Variants in IFNAR1 observed in about 807,000 individuals in gnomAD.
IFNAR1 encodes the protein interferon alpha/beta receptor 1.
Under a neutral mutation model 62.1 loss-of-function variants are expected in IFNAR1, and 47 were observed. The observed-to-expected ratio is 0.76, with a 90% CI of 0.60 to 0.97. IFNAR1 has a LOEUF of 0.97. IFNAR1 is among the 50% of genes least tolerant of loss of function. The pLI, the probability that IFNAR1 is intolerant of heterozygous loss-of-function variation, is 0.00. For synonymous variants in IFNAR1, 219 were observed against 226.9 expected (o/e 0.97, Z 0.31); for missense variants, 638 against 654.5 (o/e 0.97, Z 0.27).
chr21:33,344,823 T>C (rs2083330223), intron 5 of IFNAR1, among the ~76,000 whole-genome samples: 1 of 145,232 alleles, frequency 6.9e-6, no homozygotes, highest in South Asian at 2.2e-4. Flanking sequence ...AGTCTCACTC[T>C]CTTGCCCAGA....
intron 3 of IFNAR1, among the ~76,000 whole-genome samples, chr21:33,342,932 C>T (rs2083308063): frequency 6.6e-6 from 1 of 150,478 alleles, no homozygotes; most frequent in Non-Finnish European, 1.5e-5. Context: ...TCCCAGTCCT[C>T]TTCTGGCTTC....
At chr21:33,330,353 A>AT (rs1248157872) in intron 1 of IFNAR1, among the ~76,000 whole-genome samples, 1 of 151,964 alleles carries the variant, frequency 6.6e-6, no homozygotes, top group Non-Finnish European at 1.5e-5. Flanking sequence ...CCTCTGCTTC[A>AT]TTTTTCTCTT....
rs1469247072 is a variant in IFNAR1 at position 33,356,827 on chromosome 21, A to T, written c.*1278A>T. 1 of 152,166 alleles carries T rather than the reference A, an allele frequency of 6.6e-6. No homozygotes were observed. Among genetic ancestry groups the T allele is most frequent in the African/African-American group, 2.4e-5 (1 of 41,432 alleles). 9.4% of individuals were successfully genotyped at this position (152,166 alleles called of 1,614,324 possible). On this transcript the variant is annotated 3_prime_UTR_variant, in exon 11 of 11. Coordinates refer to ENST00000270139, the MANE Select transcript of IFNAR1 (RefSeq NM_000629.3). Reference sequence around the variant, plus strand: ...CTGGCTTTGGTGCAAGAGGAAGAAGAATGTTCCACTGGAAGCCTGAGCACC... The same window carrying T: ...CTGGCTTTGGTGCAAGAGGAAGAAGTATGTTCCACTGGAAGCCTGAGCACC...
Position 33,343,617 on chromosome 21 carries a change from C to T in IFNAR1, c.614C>T (p.Ala205Val). Residue 205 changes from alanine (A) to valine (V), a missense_variant, in exon 5 of 11, where the codon GCA becomes GTA. Ala to Val is a moderately conservative substitution (Grantham distance 64). Transcript: ENST00000270139. Reference protein sequence around the residue: ...ETTYCLKVKAALLTSWKIGVY... With the variant: ...ETTYCLKVKAVLLTSWKIGVY... ...ACTTATTGTCTAAAAGTTAAAGCAGCACTACTTACGTCATGGAAAATTGGT... is the reference window on the plus strand; with the variant it reads ...ACTTATTGTCTAAAAGTTAAAGCAGTACTACTTACGTCATGGAAAATTGGT... 1 of 1,602,686 alleles carries T rather than the reference C, an allele frequency of 6.2e-7. No individual in the cohort carries two copies. Among genetic ancestry groups the T allele is most frequent in the Non-Finnish European group, 8.5e-7 (1 of 1,169,804 alleles).
Position 33,355,706 on chromosome 21 carries a change from G to A in IFNAR1, c.*157G>A. 1 of 449,180 alleles carries A rather than the reference G, an allele frequency of 2.2e-6. No homozygotes were observed. The highest frequency in any genetic ancestry group is 4.0e-6 in the Non-Finnish European group (1 of 252,710). 27.8% of individuals were successfully genotyped at this position (449,180 alleles called of 1,614,324 possible). ...TCATAGGTCCTAAAAATACGGGCAA[G>A]CTCTTAACTATTTAAAAATGAAATT... is the stretch of plus-strand genomic sequence containing the variant. On this transcript the variant is annotated 3_prime_UTR_variant, in exon 11 of 11. Coordinates refer to ENST00000270139, the MANE Select transcript of IFNAR1 (RefSeq NM_000629.3).
Position 33,349,688 on chromosome 21 carries a change from G to T in IFNAR1, c.1143+145G>T. On this transcript the variant is annotated intron_variant, in intron 8 of 10. Coordinates refer to ENST00000270139, the MANE Select transcript of IFNAR1 (RefSeq NM_000629.3). ...GCCTGTAATCCCAGCACTTCAGGAG[G>T]CCAAGGCGAGAGGATCACTTGAGCC... The T allele has an allele frequency of 8.2e-6, 5 of 612,984 alleles. No individual in the cohort carries two copies. In the South Asian group the frequency reaches 1.1e-4, roughly 13 times the overall value. 38.0% of individuals were successfully genotyped at this position (612,984 alleles called of 1,614,324 possible).
Position 33,341,121 on chromosome 21 carries a change from AAG to A in IFNAR1, c.325_326del (p.Glu109LysfsTer7). 6.2e-7 allele frequency: 1 copy of A among 1,613,572 alleles called. No homozygotes were observed. The highest frequency in any genetic ancestry group is 1.1e-5 in the South Asian group (1 of 91,060). Reference sequence around the variant, plus strand: ...ATTAAATTGCGTATAAGAGCAGAAAAAGAAAACACTTCTTCATGGTATGAGGT... The same window carrying A: ...ATTAAATTGCGTATAAGAGCAGAAAAAAAACACTTCTTCATGGTATGAGGT... On this transcript the variant is annotated frameshift_variant, in exon 3 of 11. Coordinates refer to ENST00000270139, the MANE Select transcript of IFNAR1 (RefSeq NM_000629.3). LOFTEE classifies it high-confidence loss of function.
intron 1 of IFNAR1, chr21:33,334,738 G>A: frequency 1.3e-6 from 1 of 797,868 alleles, no homozygotes; most frequent in South Asian, 1.3e-5. Flanking sequence ...TGCGCAGGGT[G>A]ATCCAGGTGT....
At chr21:33,333,686 C>T (rs923066971) in intron 1 of IFNAR1, among the ~76,000 whole-genome samples, 8 of 142,600 alleles carry the variant, frequency 5.6e-5, no homozygotes, top group East Asian at 2.0e-4. Context: ...TGCAGTGGCG[C>T]GATCTCGGCT....
chr21:33,341,067 C>G lies in IFNAR1; in HGVS notation c.269C>G (p.Ser90Cys). 1.2e-6 allele frequency: 2 copies of G among 1,612,586 alleles called. No homozygotes were observed. Among genetic ancestry groups the G allele is most frequent in the Non-Finnish European group, 8.5e-7 (1 of 1,178,832 alleles). The change falls in exon 3 of 11, where the codon TCT becomes TGT. Residue 90 changes from serine to cysteine, a missense_variant. Transcript: ENST00000270139. Reference sequence around the variant, plus strand: ...ATTACTAGTACCAAATGCAACTTTTCTTCACTCAAGCTGAATGTTTATGAA... The same window carrying G: ...ATTACTAGTACCAAATGCAACTTTTGTTCACTCAAGCTGAATGTTTATGAA... The part of the protein sequence containing the change: ...QNITSTKCNF[S>C]SLKLNVYEEI...
Position 33,355,682 on chromosome 21 carries a change from C to T in IFNAR1, c.*133C>T, listed in dbSNP as rs1242748412. 5.7e-6 allele frequency: 3 copies of T among 523,304 alleles called. No homozygotes were observed. The highest frequency in any genetic ancestry group is 1.0e-5 in the Non-Finnish European group (3 of 295,676). The allele number at this position is 523,304 out of a possible 1,614,324, so 32.4% of individuals were successfully genotyped here. A position where few individuals can be genotyped will look rare whatever the true frequency, so the allele number is the denominator to read the frequency against. Reference sequence around the variant, plus strand: ...AGGGAAAGAAAAAACATCTTCAGATCATAGGTCCTAAAAATACGGGCAAGC... The same window carrying T: ...AGGGAAAGAAAAAACATCTTCAGATTATAGGTCCTAAAAATACGGGCAAGC... On this transcript the variant is annotated 3_prime_UTR_variant, in exon 11 of 11. Coordinates refer to ENST00000270139, the MANE Select transcript of IFNAR1 (RefSeq NM_000629.3).
intron 2 of IFNAR1, 145 bp downstream of exon 2, chr21:33,335,792 TTGTTTC>T: frequency 1.4e-6 from 1 of 694,358 alleles, no homozygotes; most frequent in Non-Finnish European, 2.1e-6. Flanking sequence ...ATTTTTAACT[TTGTTTC>T]TGTAGAGACT....
At chr21:33,349,591 G>A (rs779819616) in intron 8 of IFNAR1, 48 bp downstream of exon 8, 84 of 1,347,916 alleles carry the variant, frequency 6.2e-5, no homozygotes, top group Non-Finnish European at 8.2e-5. Context: ...TTATAATTAT[G>A]ATTTGGGTAA....
At chr21:33,351,280 T>C (rs1347569826) in intron 8 of IFNAR1, among the ~76,000 whole-genome samples, 1 of 152,200 alleles carries the variant, frequency 6.6e-6, no homozygotes, top group Non-Finnish European at 1.5e-5. Context: ...CCCAAGTAGA[T>C]GTGCTGAGAA....
At chr21:33,347,220 C>T (rs748124860) in intron 6 of IFNAR1, among the ~76,000 whole-genome samples, 4 of 151,814 alleles carry the variant, frequency 2.6e-5, no homozygotes, top group Admixed American at 6.6e-5. Flanking sequence ...ACCTCCGCGT[C>T]CTGGGTTCAA....
intron 2 of IFNAR1, among the ~76,000 whole-genome samples, chr21:33,338,117 A>G (rs1263989952): frequency 6.6e-6 from 1 of 152,248 alleles, no homozygotes; most frequent in East Asian, 1.9e-4. Context: ...TTTTCAAAAG[A>G]AAACATACAG....
At position 33,349,550 on chromosome 21, in the gene IFNAR1, A is replaced by G; in HGVS notation, c.1143+7A>G. On this transcript the variant is annotated splice_region_variant and intron_variant, in intron 8 of 10. Coordinates refer to ENST00000270139, the MANE Select transcript of IFNAR1 (RefSeq NM_000629.3). ...AAACACTTCAAATGCTGAGGTAAAA[A>G]GACTGTATAGTATAATTTTGTAACT... The G allele has an allele frequency of 1.9e-6, 3 of 1,557,164 alleles. No individual in the cohort carries two copies. The highest frequency in any genetic ancestry group is 2.6e-6 in the Non-Finnish European group (3 of 1,136,996).
At chr21:33,339,927 CAAAAAAAAAA>C (rs532975886) in intron 2 of IFNAR1, among the ~76,000 whole-genome samples, 1 of 81,832 alleles carries the variant, frequency 1.2e-5, no homozygotes, top group African/African-American at 4.4e-5. Context: ...GACTCTGTCT[CAAAAAAAAAA>C]AAAAAAAAAA....
At chr21:33,332,659 A>C (rs761924212) in intron 1 of IFNAR1, among the ~76,000 whole-genome samples, 3 of 152,198 alleles carry the variant, frequency 2.0e-5, no homozygotes, top group African/African-American at 7.2e-5. Flanking sequence ...AAATTCAACA[A>C]AAAAATTAAA....
Sources: allele counts gnomAD v4.1 joint callset (sites outside exome capture counted in the v4.1 genomes callset), GRCh38; gene constraint gnomAD v4.1.1; transcripts MANE v1.5; gene names NCBI Gene and HGNC (gene_info 2026-07-23, HGNC 2026-07-21).